SLC16A10: variants seen among roughly 807,000 people sequenced by gnomAD.
SLC16A10 encodes the protein solute carrier family 16 member 10, also known as monocarboxylate transporter 10.
SLC16A10 carries 27 observed loss-of-function variants against 40.0 expected under a neutral mutation model. The observed-to-expected ratio is 0.67, with a 90% confidence interval of 0.50 to 0.93. The LOEUF (loss-of-function observed/expected upper bound fraction) is 0.93. SLC16A10 is among the 40% of genes least tolerant of loss of function. The pLI, the probability that SLC16A10 is intolerant of heterozygous loss-of-function variation, is 0.00. For missense variants in SLC16A10, 529 were observed against 658.2 expected (o/e 0.80, Z 2.15); for synonymous variants, 213 against 249.8 (o/e 0.85, Z 1.39).
chr6:111,211,103 GTGTT>G (rs1357931848), intron 4 of SLC16A10, among the ~76,000 whole-genome samples: 1 of 151,990 alleles, frequency 6.6e-6, no homozygotes, highest in African/African-American at 2.4e-5. Context: ...TGGTTGTTCT[GTGTT>G]TGGAGGATGG....
chr6:111,090,186 A>G (rs760330693), intron 1 of SLC16A10, among the ~76,000 whole-genome samples: 1 of 152,134 alleles, frequency 6.6e-6, no homozygotes, highest in Non-Finnish European at 1.5e-5. Flanking sequence ...GTCTTTGACA[A>G]CTTTTTCAGT....
chr6:111,114,378 C>A (rs539164772), intron 1 of SLC16A10, among the ~76,000 whole-genome samples: 1 of 152,280 alleles, frequency 6.6e-6, no homozygotes, highest in Admixed American at 6.5e-5. Flanking sequence ...CCTACCACAT[C>A]TCATAGAATC....
rs1173552369 is a variant in SLC16A10, at chr6:111,225,042, T to A, written c.*2807T>A. ...ATAGATACTCTAGATTGGATACTAT[T>A]GTAACAGATGGCCAAGAAACTTCCA... On this transcript the variant is annotated 3_prime_UTR_variant, in exon 6 of 6. Transcript: ENST00000368851. 1.3e-5 allele frequency: 2 copies of A among 152,232 alleles called. No individual in the cohort carries two copies. The highest frequency in any genetic ancestry group is 4.8e-5 in the African/African-American group (2 of 41,468). The allele number at this position is 152,232 out of a possible 1,614,324, so 9.4% of individuals were successfully genotyped here.
intron 1 of SLC16A10, among the ~76,000 whole-genome samples, chr6:111,141,758 A>T (rs1018246797): frequency 6.6e-6 from 1 of 152,228 alleles, no homozygotes; most frequent in Admixed American, 6.5e-5. Context: ...GGTATAAGAG[A>T]TATATAAGTA....
chr6:111,132,224 AAG>A (rs1229795023), intron 1 of SLC16A10, among the ~76,000 whole-genome samples: 1 of 152,118 alleles, frequency 6.6e-6, no homozygotes, highest in African/African-American at 2.4e-5. Context: ...AGGGGAGAGA[AAG>A]AGAGAGAGAC....
chr6:111,133,319 A>G (rs1163422823), intron 1 of SLC16A10, among the ~76,000 whole-genome samples: 1 of 152,206 alleles, frequency 6.6e-6, no homozygotes, highest in African/African-American at 2.4e-5. Context: ...TCTAGGACTA[A>G]TGCTCATTGG....
At chr6:111,097,412 A>G (rs1200486604) in intron 1 of SLC16A10, among the ~76,000 whole-genome samples, 1 of 151,966 alleles carries the variant, frequency 6.6e-6, no homozygotes, top group African/African-American at 2.4e-5. Flanking sequence ...CCTGGGTTCA[A>G]GCGATTTTCG....
chr6:111,089,667 C>T (rs1032159495), intron 1 of SLC16A10, among the ~76,000 whole-genome samples: 2 of 152,060 alleles, frequency 1.3e-5, no homozygotes, highest in Non-Finnish European at 2.9e-5. Context: ...GGGAGATATG[C>T]ATATATAATA....
At chr6:111,090,858 C>T (rs773018632) in intron 1 of SLC16A10, among the ~76,000 whole-genome samples, 1 of 152,152 alleles carries the variant, frequency 6.6e-6, no homozygotes, top group Non-Finnish European at 1.5e-5. Context: ...TTTCTATTAC[C>T]GTACTCATGA....
At chr6:111,179,044 G>A (rs1052789401) in intron 3 of SLC16A10, among the ~76,000 whole-genome samples, 1 of 151,552 alleles carries the variant, frequency 6.6e-6, no homozygotes, top group African/African-American at 2.4e-5. Context: ...TTCCAGACAG[G>A]GTCTTGTTAA....
chr6:111,188,372 A>G (rs989560877), intron 3 of SLC16A10, among the ~76,000 whole-genome samples: 12 of 151,066 alleles, frequency 7.9e-5, no homozygotes, highest in Non-Finnish European at 1.5e-4. Context: ...ATGCTTTGCT[A>G]CTTTGCAAAA....
At chr6:111,209,907 A>G (rs1773318726) in intron 4 of SLC16A10, among the ~76,000 whole-genome samples, 1 of 152,316 alleles carries the variant, frequency 6.6e-6, no homozygotes, top group African/African-American at 2.4e-5. Flanking sequence ...ACTTTGTCCA[A>G]ATGCTTGGCT....
At chr6:111,089,022 C>G (rs1351478456) in intron 1 of SLC16A10, among the ~76,000 whole-genome samples, 1 of 152,128 alleles carries the variant, frequency 6.6e-6, no homozygotes, top group Non-Finnish European at 1.5e-5. Context: ...CACATATCAA[C>G]TGACTTCAAG....
intron 1 of SLC16A10, among the ~76,000 whole-genome samples, chr6:111,093,674 GA>G (rs879444713): frequency 1.5e-4 from 23 of 152,270 alleles, no homozygotes; most frequent in South Asian, 4.2e-4. Flanking sequence ...CTGTATCTTA[GA>G]AAAATTTTTA....
chr6:111,203,357 T>G (rs1163679453), intron 3 of SLC16A10, among the ~76,000 whole-genome samples: 2 of 152,184 alleles, frequency 1.3e-5, no homozygotes, highest in East Asian at 3.8e-4. Flanking sequence ...TTGCAGATTT[T>G]GGTGGGAATA....
intron 3 of SLC16A10, among the ~76,000 whole-genome samples, chr6:111,201,079 C>T (rs906166734): frequency 1.3e-5 from 2 of 152,100 alleles, no homozygotes; most frequent in Non-Finnish European, 2.9e-5. Flanking sequence ...ATACAGGTCC[C>T]CTCCCTCCCC....
Position 111,229,331 on chromosome 6 carries a change from TAA to T in SLC16A10, c.*7097_*7098del, listed in dbSNP as rs1283682822. 1.3e-5 allele frequency: 2 copies of T among 152,160 alleles called. No individual in the cohort carries two copies. Among genetic ancestry groups the T allele is most frequent in the East Asian group, 3.8e-4 (2 of 5,198 alleles). The allele number at this position is 152,160 out of a possible 1,614,324, so 9.4% of individuals were successfully genotyped here. On this transcript the variant is annotated 3_prime_UTR_variant, in exon 6 of 6. Transcript: ENST00000368851. ...GAGGTATGCAATTTTTGTTAACATA[TAA>T]GACTTTAAATTACGAAACTCACAAG...
chr6:111,113,542 A>G (rs971070586), intron 1 of SLC16A10, among the ~76,000 whole-genome samples: 5 of 152,218 alleles, frequency 3.3e-5, no homozygotes, highest in African/African-American at 1.2e-4. Flanking sequence ...AGGAACCAGT[A>G]ATAGAAAATT....
intron 4 of SLC16A10, 125 bp downstream of exon 4, chr6:111,206,860 C>T (rs1407307913): frequency 6.6e-6 from 8 of 1,218,896 alleles, no homozygotes; most frequent in Non-Finnish European, 9.0e-6. Context: ...TGGAGTTTCG[C>T]TCTTATTGCC....
Sources: gnomAD v4.1 joint callset for allele counts (sites outside exome capture counted in the v4.1 genomes callset) on GRCh38, gnomAD v4.1.1 for gene constraint, MANE v1.5 for transcripts, NCBI Gene and HGNC (gene_info 2026-07-23, HGNC 2026-07-21) for gene names.